Variants in MACROD2 observed in about 807,000 individuals in gnomAD.
MACROD2 encodes ADP-ribose glycohydrolase MACROD2.
Under a neutral mutation model 70.4 loss-of-function variants are expected in MACROD2, and 36 were observed. That is an observed-to-expected ratio of 0.51 (90% CI 0.39 to 0.68). MACROD2 has a LOEUF of 0.68. Ranked by LOEUF, MACROD2 falls within the 30% of genes least tolerant of loss-of-function variation. The pLI, the probability that MACROD2 is intolerant of heterozygous loss-of-function variation, is 0.00. For synonymous variants in MACROD2, 172 were observed against 178.8 expected (o/e 0.96, Z 0.30); for missense variants, 496 against 538.4 (o/e 0.92, Z 0.78).
At chr20:14,889,668 CAG>C (rs1363224518) in intron 5 of MACROD2, among the ~76,000 whole-genome samples, 2 of 152,030 alleles carry the variant, frequency 1.3e-5, no homozygotes, top group Non-Finnish European at 2.9e-5. Context: ...ATCAAATGAG[CAG>C]AGGGAAGATA....
At chr20:14,677,287 A>G (rs2070873450) in intron 4 of MACROD2, among the ~76,000 whole-genome samples, 1 of 152,208 alleles carries the variant, frequency 6.6e-6, no homozygotes, top group African/African-American at 2.4e-5. Flanking sequence ...CTATAATAAC[A>G]TCTTCAAACT....
At chr20:14,006,889 G>T (rs1248489903) in intron 2 of MACROD2, among the ~76,000 whole-genome samples, 2 of 151,980 alleles carry the variant, frequency 1.3e-5, no homozygotes, top group Non-Finnish European at 2.9e-5. Context: ...TGTTCAGAGT[G>T]GGGTTTAAAT....
At chr20:15,221,671 T>G (rs2076862731) in intron 5 of MACROD2, among the ~76,000 whole-genome samples, 1 of 152,232 alleles carries the variant, frequency 6.6e-6, no homozygotes, top group South Asian at 2.1e-4. Context: ...AAATTAAACA[T>G]GAGCTTTGCC....
chr20:15,020,852 C>T (rs1240362030), intron 5 of MACROD2, among the ~76,000 whole-genome samples: 5 of 151,364 alleles, frequency 3.3e-5, no homozygotes, highest in Admixed American at 6.6e-5. Flanking sequence ...CTGATGTTGA[C>T]GGAAGTGGTG....
intron 15 of MACROD2, among the ~76,000 whole-genome samples, chr20:16,015,135 A>T (rs1035486181): frequency 6.6e-6 from 1 of 152,214 alleles, no homozygotes; most frequent in Non-Finnish European, 1.5e-5. Context: ...TTATATGTAT[A>T]GAAACCTGGT....
At chr20:14,954,487 A>G in intron 5 of MACROD2, among the ~76,000 whole-genome samples, 1 of 142,188 alleles carries the variant, frequency 7.0e-6, no homozygotes, top group Non-Finnish European at 1.5e-5. Context: ...ATTTAAATAT[A>G]TAAATTATAT....
intron 2 of MACROD2, among the ~76,000 whole-genome samples, chr20:14,063,102 C>T (rs2053708438): frequency 6.6e-6 from 1 of 151,970 alleles, no homozygotes; most frequent in Admixed American, 6.6e-5. Flanking sequence ...ATAAATAGGT[C>T]TTTATATTAT....
intron 15 of MACROD2, among the ~76,000 whole-genome samples, chr20:15,994,748 T>C (rs2066604651): frequency 6.6e-6 from 1 of 152,150 alleles, no homozygotes; most frequent in Non-Finnish European, 1.5e-5. Context: ...GTTAAAACAC[T>C]CCTGACTCAC....
intron 3 of MACROD2, among the ~76,000 whole-genome samples, chr20:14,355,602 T>C (rs1429820158): frequency 1.3e-5 from 2 of 152,206 alleles, no homozygotes; most frequent in Non-Finnish European, 1.5e-5. Flanking sequence ...ATATATTATG[T>C]AATTGTGAGA....
At chr20:15,689,898 G>C (rs1193789399) in intron 8 of MACROD2, among the ~76,000 whole-genome samples, 1 of 152,198 alleles carries the variant, frequency 6.6e-6, no homozygotes, top group Non-Finnish European at 1.5e-5. Context: ...CCAGCAAAAG[G>C]TGTTGTCCTC....
At chr20:14,136,527 A>G (rs1345066916) in intron 3 of MACROD2, among the ~76,000 whole-genome samples, 1 of 152,190 alleles carries the variant, frequency 6.6e-6, no homozygotes, top group Non-Finnish European at 1.5e-5. Context: ...AATGTAAGGC[A>G]GCGGTTCTCC....
At chr20:15,045,442 C>T (rs1055795287) in intron 5 of MACROD2, among the ~76,000 whole-genome samples, 9 of 152,070 alleles carry the variant, frequency 5.9e-5, no homozygotes, top group Admixed American at 6.6e-5. Flanking sequence ...ATTTGAGGCC[C>T]GGGGGAGAAA....
At chr20:15,983,001 T>G (rs1024381572) in intron 13 of MACROD2, among the ~76,000 whole-genome samples, 1 of 152,218 alleles carries the variant, frequency 6.6e-6, no homozygotes, top group Admixed American at 6.5e-5. Context: ...CCATTTTTTC[T>G]CTTTCTGACA....
chr20:15,037,946 A>C (rs2075326548), intron 5 of MACROD2, among the ~76,000 whole-genome samples: 1 of 112,582 alleles, frequency 8.9e-6, no homozygotes, highest in South Asian at 2.6e-4. Context: ...GGATGTTCTC[A>C]CTACAAAAAA....
intron 5 of MACROD2, among the ~76,000 whole-genome samples, chr20:15,197,201 G>C (rs1300491108): frequency 6.6e-6 from 1 of 152,046 alleles, no homozygotes; most frequent in Admixed American, 6.6e-5. Context: ...ACCATGAAGG[G>C]CTTTTTGCTC....
At chr20:14,809,750 A>G (rs1386473282) in intron 5 of MACROD2, among the ~76,000 whole-genome samples, 1 of 152,114 alleles carries the variant, frequency 6.6e-6, no homozygotes, top group Non-Finnish European at 1.5e-5. Context: ...AATAAAGGGG[A>G]TATCACCAGT....
chr20:15,766,731 A>C (rs1364591610), intron 8 of MACROD2, among the ~76,000 whole-genome samples: 1 of 152,172 alleles, frequency 6.6e-6, no homozygotes, highest in African/African-American at 2.4e-5. Flanking sequence ...AATTTGCAAC[A>C]ATTCTTTTCT....
chr20:15,336,706 G>A (rs935915045), intron 6 of MACROD2, among the ~76,000 whole-genome samples: 5 of 151,638 alleles, frequency 3.3e-5, no homozygotes, highest in South Asian at 4.1e-4. Context: ...TGTGGCCTGC[G>A]GGGACAGTTG....
At chr20:14,194,495 A>G (rs2081413969) in intron 3 of MACROD2, among the ~76,000 whole-genome samples, 2 of 152,198 alleles carry the variant, frequency 1.3e-5, no homozygotes, top group African/African-American at 4.8e-5. Context: ...AGACAAATTC[A>G]TAAGTGACAC....
Sources: gnomAD v4.1 joint callset for allele counts (sites outside exome capture counted in the v4.1 genomes callset) on GRCh38, gnomAD v4.1.1 for gene constraint, MANE v1.5 for transcripts, NCBI Gene and HGNC (gene_info 2026-07-23, HGNC 2026-07-21) for gene names.